The following PDSS2 variants were observed in gnomAD, a reference collection of about 807,000 sequenced individuals.
The protein encoded by PDSS2 is decaprenyl diphosphate synthase subunit 2.
PDSS2 carries 31 observed loss-of-function variants against 44.5 expected under a neutral mutation model. That is an observed-to-expected ratio of 0.70 (90% CI 0.52 to 0.94). PDSS2 has a LOEUF of 0.94. Among genes scored for constraint, PDSS2 ranks in the 40% least tolerant of loss-of-function variants. The probability of loss-of-function intolerance (pLI) is 0.00; values close to 1 mark genes in which losing one functional copy is unlikely to be tolerated. For synonymous variants in PDSS2, 157 were observed against 180.3 expected (o/e 0.87, Z 1.03); for missense variants, 452 against 482.2 (o/e 0.94, Z 0.59).
chr6:107,232,351 G>A (rs749877299), intron 4 of PDSS2, among the ~76,000 whole-genome samples: 3 of 152,054 alleles, frequency 2.0e-5, no homozygotes, highest in African/African-American at 4.8e-5. Context: ...CACCCACCAT[G>A]CTCCATCTGG....
chr6:107,432,120 G>A (rs1018925550), intron 1 of PDSS2, among the ~76,000 whole-genome samples: 1 of 152,212 alleles, frequency 6.6e-6, no homozygotes, highest in Non-Finnish European at 1.5e-5. Flanking sequence ...ACTACTGAAT[G>A]AAAGTGGTGG....
At chr6:107,330,975 C>T (rs1562466499) in intron 2 of PDSS2, among the ~76,000 whole-genome samples, 2 of 152,264 alleles carry the variant, frequency 1.3e-5, no homozygotes, top group East Asian at 1.9e-4. Flanking sequence ...AAAGAGATCA[C>T]CTAACTCCCA....
intron 2 of PDSS2, among the ~76,000 whole-genome samples, chr6:107,292,909 G>A (rs1037230524): frequency 3.3e-5 from 5 of 152,192 alleles, no homozygotes; most frequent in Admixed American, 2.6e-4. Context: ...GGGTTTGCAT[G>A]TCACAAAAGG....
chr6:107,443,517 A>T (rs1349998771), intron 1 of PDSS2, among the ~76,000 whole-genome samples: 2 of 148,830 alleles, frequency 1.3e-5, no homozygotes, highest in South Asian at 2.1e-4. Flanking sequence ...TTTCAGCAAT[A>T]AAAAAAATGT....
At chr6:107,317,275 GTAT>G (rs1443163589) in intron 2 of PDSS2, among the ~76,000 whole-genome samples, 6 of 152,034 alleles carry the variant, frequency 3.9e-5, no homozygotes, top group African/African-American at 1.5e-4. Context: ...AATGGTTTAG[GTAT>G]TATTAGATGA....
At chr6:107,354,662 C>T (rs368501909) in intron 1 of PDSS2, among the ~76,000 whole-genome samples, 26 of 152,282 alleles carry the variant, frequency 1.7e-4, no homozygotes, top group African/African-American at 6.0e-4. Context: ...TCAGAAGGGG[C>T]TGTACAGTAG....
Position 107,153,467 on chromosome 6 carries a change from G to A in PDSS2, c.*1152C>T, listed in dbSNP as rs1554244884. On this transcript the variant is annotated 3_prime_UTR_variant, in exon 8 of 8. Transcript: ENST00000369037. ...AACACTCTCACCAATGAATTCCCTAGTACAAAAATTCTGTTTCTGAAACTC... is the reference window on the plus strand; with the variant it reads ...AACACTCTCACCAATGAATTCCCTAATACAAAAATTCTGTTTCTGAAACTC... The A allele has an allele frequency of 1.3e-5, 2 of 152,370 alleles. No individual in the cohort carries two copies. The highest frequency in any genetic ancestry group is 2.9e-5 in the Non-Finnish European group (2 of 67,992). The allele number at this position is 152,370 out of a possible 1,614,324, so 9.4% of individuals were successfully genotyped here. A position where few individuals can be genotyped will look rare whatever the true frequency, so the allele number is the denominator to read the frequency against.
intron 4 of PDSS2, among the ~76,000 whole-genome samples, chr6:107,220,398 T>A (rs1347538494): frequency 3.3e-5 from 5 of 152,130 alleles, no homozygotes; most frequent in African/African-American, 9.7e-5. Context: ...TTATTAAGGT[T>A]CTATTATGGT....
chr6:107,248,664 T>C (rs990755084), intron 3 of PDSS2, among the ~76,000 whole-genome samples: 1 of 152,178 alleles, frequency 6.6e-6, no homozygotes, highest in Admixed American at 6.5e-5. Flanking sequence ...TGAATTGCAA[T>C]AAAGGGAATT....
chr6:107,217,038 A>C (rs918989446), intron 4 of PDSS2, among the ~76,000 whole-genome samples: 1 of 152,182 alleles, frequency 6.6e-6, no homozygotes, highest in Non-Finnish European at 1.5e-5. Flanking sequence ...TCTGAGCTGC[A>C]TTTCGTACTA....
intron 1 of PDSS2, among the ~76,000 whole-genome samples, chr6:107,350,178 C>T (rs1365893614): frequency 6.6e-6 from 1 of 152,188 alleles, no homozygotes; most frequent in Admixed American, 6.5e-5. Flanking sequence ...CAGCAGATTT[C>T]CACTTTGGCC....
At chr6:107,429,289 T>C (rs1046778701) in intron 1 of PDSS2, among the ~76,000 whole-genome samples, 2 of 152,162 alleles carry the variant, frequency 1.3e-5, no homozygotes, top group African/African-American at 4.8e-5. Context: ...AAAGAAGCCA[T>C]GCACAAGCTA....
intron 1 of PDSS2, among the ~76,000 whole-genome samples, chr6:107,363,572 A>G (rs1373840190): frequency 6.6e-6 from 1 of 152,206 alleles, no homozygotes; most frequent in East Asian, 1.9e-4. Flanking sequence ...GTTACAGCTC[A>G]TAAAAGCAGC....
intron 1 of PDSS2, among the ~76,000 whole-genome samples, chr6:107,446,159 T>TA (rs1309819218): frequency 6.6e-6 from 1 of 151,692 alleles, no homozygotes; most frequent in Non-Finnish European, 1.5e-5. Flanking sequence ...CTACTAAAAA[T>TA]ACAAAAGTTA....
chr6:107,250,902 C>T (rs1774795321), intron 3 of PDSS2, among the ~76,000 whole-genome samples: 1 of 151,980 alleles, frequency 6.6e-6, no homozygotes, highest in Admixed American at 6.6e-5. Flanking sequence ...GTTACCCAGG[C>T]TGAAGTGCAG....
intron 7 of PDSS2, among the ~76,000 whole-genome samples, chr6:107,183,244 A>G (rs1177751143): frequency 6.6e-6 from 1 of 151,438 alleles, no homozygotes; most frequent in Non-Finnish European, 1.5e-5. Context: ...TTGCACCCAT[A>G]CCATTATGGT....
At chr6:107,240,071 A>G (rs1774367263) in intron 4 of PDSS2, among the ~76,000 whole-genome samples, 1 of 152,198 alleles carries the variant, frequency 6.6e-6, no homozygotes, top group Non-Finnish European at 1.5e-5. Context: ...ACATGAGCGT[A>G]ATATATAAAA....
chr6:107,198,888 T>C (rs1772662579), intron 6 of PDSS2, among the ~76,000 whole-genome samples: 1 of 151,952 alleles, frequency 6.6e-6, no homozygotes, highest in Admixed American at 6.6e-5. Context: ...CCCAGCTACT[T>C]AGGAGGCTGA....
At chr6:107,250,652 T>C (rs888027744) in intron 3 of PDSS2, among the ~76,000 whole-genome samples, 1 of 152,174 alleles carries the variant, frequency 6.6e-6, no homozygotes, top group Non-Finnish European at 1.5e-5. Flanking sequence ...CAATAGTTTT[T>C]GGACTAGAAA....
Sources: gnomAD v4.1 joint callset for allele counts (sites outside exome capture counted in the v4.1 genomes callset) on GRCh38, gnomAD v4.1.1 for gene constraint, MANE v1.5 for transcripts, NCBI Gene and HGNC (gene_info 2026-07-23, HGNC 2026-07-21) for gene names.